SHISA9: variants seen among roughly 807,000 people sequenced by gnomAD.
SHISA9 encodes shisa family member 9, also known as protein shisa-9.
In SHISA9, 13 loss-of-function variants were observed where a neutral mutation model predicts 38.0. The ratio of observed to expected loss-of-function variants is 0.34; its 90% CI spans 0.22 to 0.54. The LOEUF is 0.54. Ranked by LOEUF, SHISA9 falls within the 20% of genes least tolerant of loss-of-function variation. SHISA9 has a pLI of 0.91. For synonymous variants in SHISA9, 275 were observed against 242.0 expected (o/e 1.14, Z -1.27); for missense variants, 538 against 575.8 (o/e 0.93, Z 0.67).
the SHISA9 span, among the ~76,000 whole-genome samples, chr16:13,512,191 C>G: frequency 6.6e-6 from 1 of 152,058 alleles, no homozygotes; most frequent in Non-Finnish European, 1.5e-5. Context: ...TTATCCAACA[C>G]CCAACAAGCT....
intron 2 of SHISA9, among the ~76,000 whole-genome samples, chr16:12,945,457 ATAAATG>A (rs1437595209): frequency 1.3e-5 from 2 of 152,200 alleles, no homozygotes; most frequent in Non-Finnish European, 2.9e-5. Flanking sequence ...TTTCCTGGTT[ATAAATG>A]TAATAGGTAC....
rs868040325 is a variant in SHISA9, at chr16:12,902,355, C to T, written c.291C>T (p.Phe97=). Residue 97 remains phenylalanine, a synonymous_variant, in exon 1 of 5, where the codon TTC becomes TTT. Transcript: ENST00000558583. ...ACTGCAGCTCGGGCGACTTCATCTT[C>T]TGCTGCGGGACTTGTGGCTTCCGGT... ...PFNCSSGDFI[F]CCGTCGFRFC... 16 of 1,551,526 alleles carry T rather than the reference C, an allele frequency of 1.0e-5. No individual in the cohort carries two copies. The Middle Eastern group carries it at 2.0e-3, about 194-fold the overall frequency.
intron 2 of SHISA9, among the ~76,000 whole-genome samples, chr16:13,040,608 G>A (rs2073122237): frequency 6.6e-6 from 1 of 152,214 alleles, no homozygotes; most frequent in African/African-American, 2.4e-5. Flanking sequence ...AACTTCAAGA[G>A]AGCAGGGATC....
At chr16:12,921,719 T>C (rs1411668989) in intron 2 of SHISA9, among the ~76,000 whole-genome samples, 1 of 152,112 alleles carries the variant, frequency 6.6e-6, no homozygotes, top group Non-Finnish European at 1.5e-5. Context: ...TGAGCTATGA[T>C]CACACCACTG....
At chr16:13,260,154 C>G in the SHISA9 span, among the ~76,000 whole-genome samples, 2 of 151,044 alleles carry the variant, frequency 1.3e-5, no homozygotes, top group East Asian at 4.0e-4. Context: ...GTAGCTTAGA[C>G]TACAGGCACC....
chr16:13,123,093 T>G (rs2050227842), intron 2 of SHISA9, among the ~76,000 whole-genome samples: 1 of 150,426 alleles, frequency 6.6e-6, no homozygotes, highest in African/African-American at 2.4e-5. Flanking sequence ...AGAAACCAAC[T>G]TGCCTAAGGT....
At chr16:13,371,317 C>G in the SHISA9 span, among the ~76,000 whole-genome samples, 1 of 152,168 alleles carries the variant, frequency 6.6e-6, no homozygotes, top group Admixed American at 6.5e-5. Flanking sequence ...CTGCTCACCC[C>G]CATAGATTCT....
chr16:12,963,732 C>A (rs2071940931), intron 2 of SHISA9, among the ~76,000 whole-genome samples: 1 of 152,204 alleles, frequency 6.6e-6, no homozygotes, highest in Non-Finnish European at 1.5e-5. Context: ...GATTTAAATA[C>A]TTCCATTTCT....
the SHISA9 span, among the ~76,000 whole-genome samples, chr16:13,522,544 C>T: frequency 6.6e-6 from 1 of 152,108 alleles, no homozygotes; most frequent in African/African-American, 2.4e-5. Context: ...GGCCAGCTGT[C>T]ATTCCACCTG....
chr16:13,114,465 CAAAAAA>C (rs58742818), intron 2 of SHISA9, among the ~76,000 whole-genome samples: 7 of 51,024 alleles, frequency 1.4e-4, no homozygotes, highest in African/African-American at 4.5e-4. Context: ...GATTCCATCT[CAAAAAA>C]AAAAAAAAAA....
chr16:12,955,633 TAAA>T (rs5815731), intron 2 of SHISA9, among the ~76,000 whole-genome samples: 1 of 139,472 alleles, frequency 7.2e-6, no homozygotes. Context: ...TTCAACAAAG[TAAA>T]AAAAAAAAAA....
At chr16:13,446,056 C>T in the SHISA9 span, among the ~76,000 whole-genome samples, 4 of 152,170 alleles carry the variant, frequency 2.6e-5, no homozygotes, top group Non-Finnish European at 4.4e-5. Flanking sequence ...GATTCTCCTG[C>T]CTCAGCCTCC....
At chr16:13,013,762 C>T (rs1329736535) in intron 2 of SHISA9, among the ~76,000 whole-genome samples, 2 of 151,938 alleles carry the variant, frequency 1.3e-5, no homozygotes, top group Non-Finnish European at 2.9e-5. Context: ...GAGTCTCGCT[C>T]TGTCGCCCAG....
chr16:13,285,265 T>C, the SHISA9 span, among the ~76,000 whole-genome samples: 1 of 152,194 alleles, frequency 6.6e-6, no homozygotes, highest in East Asian at 1.9e-4. Flanking sequence ...ATTTGTTTAC[T>C]GTACTTTGAA....
the SHISA9 span, among the ~76,000 whole-genome samples, chr16:13,393,910 A>G: frequency 1.3e-5 from 2 of 152,180 alleles, no homozygotes; most frequent in Non-Finnish European, 2.9e-5. Flanking sequence ...AAGTTGGGTC[A>G]TTGTTCCCAT....
chr16:12,953,798 G>A (rs187547446), intron 2 of SHISA9, among the ~76,000 whole-genome samples: 4 of 152,310 alleles, frequency 2.6e-5, no homozygotes, highest in Admixed American at 1.3e-4. Context: ...GGCTTGGGAG[G>A]CCTCAGGAAA....
At chr16:13,488,218 G>T in the SHISA9 span, among the ~76,000 whole-genome samples, 18 of 149,516 alleles carry the variant, frequency 1.2e-4, no homozygotes, top group Admixed American at 2.0e-4. Flanking sequence ...AATATATATG[G>T]TCAAAGGATA....
chr16:13,500,708 A>T, the SHISA9 span, among the ~76,000 whole-genome samples: 2 of 152,144 alleles, frequency 1.3e-5, no homozygotes, highest in Non-Finnish European at 1.5e-5. Context: ...TGGTGTCTTA[A>T]ATAATTGTAA....
the SHISA9 span, among the ~76,000 whole-genome samples, chr16:13,481,557 T>C: frequency 6.6e-6 from 1 of 152,200 alleles, no homozygotes; most frequent in Non-Finnish European, 1.5e-5. Context: ...TCACACGCTG[T>C]TTTGTAACTG....
Sources: gnomAD v4.1 joint callset for allele counts (sites outside exome capture counted in the v4.1 genomes callset) on GRCh38, gnomAD v4.1.1 for gene constraint, MANE v1.5 for transcripts, NCBI Gene and HGNC (gene_info 2026-07-23, HGNC 2026-07-21) for gene names.